CCBE1: variants seen among roughly 807,000 people sequenced by gnomAD.
CCBE1 encodes collagen and calcium binding EGF domains 1, also known as collagen and calcium-binding EGF domain-containing protein 1.
Under a neutral mutation model 50.0 loss-of-function variants are expected in CCBE1, and 37 were observed. The observed-to-expected ratio is 0.74, with a 90% CI of 0.57 to 0.97. The LOEUF is 0.97. Ranked by LOEUF, CCBE1 falls within the 50% of genes least tolerant of loss-of-function variation. The pLI is 0.00. For synonymous variants in CCBE1, 234 were observed against 203.7 expected, an observed-to-expected ratio of 1.15 and a Z score of -1.27; for missense variants, 538 against 523.8, an observed-to-expected ratio of 1.03 and a Z score of -0.26.
chr18:59,480,741 C>A (rs1912533041), intron 2 of CCBE1, among the ~76,000 whole-genome samples: 1 of 145,458 alleles, frequency 6.9e-6, no homozygotes, highest in Non-Finnish European at 1.5e-5. Context: ...CATTCTGATT[C>A]TCATTTGAGT....
Position 59,665,348 on chromosome 18 carries a change from G to A in CCBE1, c.212+31281C>T, listed in dbSNP as rs777037833. Among the ~76,000 whole-genome samples, 3 of 152,280 alleles carry A rather than the reference G, an allele frequency of 2.0e-5. No individual in the cohort carries two copies. The South Asian group carries it at 6.2e-4, about 32-fold the overall frequency. On this transcript the variant is annotated intron_variant, in intron 2 of 10. Transcript: ENST00000439986. The stretch of plus-strand genomic sequence containing the variant: ...TCAGCTCTGTTCATTCGCATTAAAG[G>A]CCTCCAGTGATTAACAGCCAGGCTA...
intron 2 of CCBE1, among the ~76,000 whole-genome samples, chr18:59,683,556 G>C (rs1261911155): frequency 6.6e-6 from 1 of 152,082 alleles, no homozygotes; most frequent in Non-Finnish European, 1.5e-5. Flanking sequence ...AAATTAGCCA[G>C]GAGTGGTGGC....
intron 2 of CCBE1, among the ~76,000 whole-genome samples, chr18:59,483,839 G>T (rs759995033): frequency 1.3e-5 from 2 of 152,122 alleles, no homozygotes; most frequent in Admixed American, 6.5e-5. Flanking sequence ...AAACAGACTT[G>T]AGTGATACAG....
Position 59,469,520 on chromosome 18 carries a change from C to G in CCBE1, c.353G>C (p.Arg118Pro), listed in dbSNP as rs115982879. Reference protein sequence around the residue: ...RVLCTCYPGYRYDRERHRKRE... With the variant: ...RVLCTCYPGYPYDRERHRKRE... ...CTTCCGGTGTCTCTCCCGGTCATAT[C>G]GGTATCCCGGATAACAAGTACACAG... Residue 118 changes from arginine (R) to proline (P), a missense_variant, in exon 4 of 11, where the codon CGA becomes CCA. By Grantham distance (103) the Arg-to-Pro change is moderately radical. Coordinates refer to ENST00000439986, the MANE Select transcript of CCBE1 (RefSeq NM_133459.4). 5.0e-6 allele frequency: 8 copies of G among 1,614,200 alleles called. No individual in the cohort carries two copies. The East Asian group carries it at 1.8e-4, about 36-fold the overall frequency.
intron 2 of CCBE1, among the ~76,000 whole-genome samples, chr18:59,642,917 C>A (rs1189644360): frequency 7.0e-6 from 1 of 142,534 alleles, no homozygotes; most frequent in Non-Finnish European, 1.5e-5. Context: ...CCACTGCACT[C>A]CAGCCCTGGC....
At chr18:59,634,222 C>CACAAA (rs1432606940) in intron 2 of CCBE1, among the ~76,000 whole-genome samples, 1 of 152,154 alleles carries the variant, frequency 6.6e-6, no homozygotes, top group Non-Finnish European at 1.5e-5. Flanking sequence ...AAACCGCAAA[C>CACAAA]ACAAAACAAA....
chr18:59,632,587 TTTGTA>T lies in CCBE1; in HGVS notation c.212+64037_212+64041del, dbSNP rs1328601771. On this transcript the variant is annotated intron_variant, in intron 2 of 10. Transcript: ENST00000439986. ...CTGTGCCCAGCCTTTAAATTTTTGT[TTTGTA>T]TTGTTTTTGTTTTTGAGATGGAGTC... Among the ~76,000 whole-genome samples, 3 of 150,382 alleles carry T rather than the reference TTTGTA, an allele frequency of 2.0e-5. No individual in the cohort carries two copies. The East Asian group carries it at 5.9e-4, about 30-fold the overall frequency.
At position 59,601,010 on chromosome 18, in the gene CCBE1, G is replaced by GTTTTTTTTTTTTTTTTTTTTTT. The variant is rs71177045; in HGVS notation, c.212+95597_212+95618dup. 1.0e-4 allele frequency among the ~76,000 whole-genome samples: 6 copies of GTTTTTTTTTTTTTTTTTTTTTT among 58,004 alleles called. 1 individual carries two copies. The highest frequency in any genetic ancestry group is 2.2e-4 in the African/African-American group (4 of 18,596). 38.1% of individuals were successfully genotyped at this position (58,004 alleles called of 152,430 possible). A position where few individuals can be genotyped will look rare whatever the true frequency, so the allele number is the denominator to read the frequency against. ...GATCTATTTTATTAGCTATGTGTCA[G>GTTTTTTTTTTTTTTTTTTTTTT]TTTTTTTTTTTTTTTTTTTTTTTTT... On this transcript the variant is annotated intron_variant, in intron 2 of 10. Transcript: ENST00000439986.
intron 6 of CCBE1, among the ~76,000 whole-genome samples, chr18:59,452,258 T>C (rs1257330722): frequency 6.6e-6 from 1 of 152,122 alleles, no homozygotes; most frequent in African/African-American, 2.4e-5. Context: ...CTATGTTCTT[T>C]TGTGAACAAA....
chr18:59,437,395 G>A (rs988037747), intron 10 of CCBE1, among the ~76,000 whole-genome samples: 3 of 152,190 alleles, frequency 2.0e-5, no homozygotes, highest in Non-Finnish European at 4.4e-5. Context: ...GGGATGGCAG[G>A]TCAGATTCCA....
chr18:59,451,798 C>A (rs1286038428), intron 6 of CCBE1, among the ~76,000 whole-genome samples: 2 of 152,000 alleles, frequency 1.3e-5, no homozygotes, highest in African/African-American at 4.8e-5. Context: ...GCATATGTAC[C>A]CCAGAAATTA....
At chr18:59,588,564 A>T (rs1428946157) in intron 2 of CCBE1, among the ~76,000 whole-genome samples, 4 of 152,052 alleles carry the variant, frequency 2.6e-5, no homozygotes, top group African/African-American at 9.7e-5. Context: ...TTTCTTTTTG[A>T]CTGGTTTAAC....
chr18:59,439,484 AAAC>A, intron 9 of CCBE1, 56 bp downstream of exon 9: 2 of 1,606,606 alleles, frequency 1.2e-6, no homozygotes, highest in Non-Finnish European at 1.7e-6. Flanking sequence ...AAACAAAACA[AAAC>A]AAAAAAATCG....
At chr18:59,588,870 A>C (rs79547348) in intron 2 of CCBE1, among the ~76,000 whole-genome samples, 1,613 of 152,286 alleles carry the variant, frequency 0.011, 30 homozygotes, top group South Asian at 0.038. Context: ...GGCTCCCCTG[A>C]TGCCCCCTCG....
chr18:59,553,263 T>C (rs1164608143), intron 2 of CCBE1, among the ~76,000 whole-genome samples: 1 of 152,230 alleles, frequency 6.6e-6, no homozygotes, highest in Non-Finnish European at 1.5e-5. Flanking sequence ...TCTTGCATTA[T>C]AGCTCAATTG....
intron 2 of CCBE1, among the ~76,000 whole-genome samples, chr18:59,679,476 T>C (rs2054556124): frequency 6.6e-6 from 1 of 152,200 alleles, no homozygotes; most frequent in South Asian, 2.1e-4. Context: ...TGGAATTTGC[T>C]TTATAATACT....
rs564797844 is a variant in CCBE1, at chr18:59,447,966, C to T, written c.775+17G>A. The T allele has an allele frequency of 5.0e-5, 80 of 1,613,950 alleles. 2 individuals are homozygous for T. In the South Asian group the frequency reaches 8.2e-4, roughly 17 times the overall value. On this transcript the variant is annotated intron_variant, in intron 7 of 10. Transcript: ENST00000439986. Reference sequence around the variant, plus strand: ...TTCTGTTGGTGATCACCCTCCTGTGCCCTCTTCCACACTCACCGGGAGGGC... The same window carrying T: ...TTCTGTTGGTGATCACCCTCCTGTGTCCTCTTCCACACTCACCGGGAGGGC...
intron 2 of CCBE1, among the ~76,000 whole-genome samples, chr18:59,626,243 C>T (rs1002613114): frequency 6.6e-6 from 1 of 152,180 alleles, no homozygotes; most frequent in Non-Finnish European, 1.5e-5. Flanking sequence ...CCTTAAAGTA[C>T]TCGTTTATTT....
intron 2 of CCBE1, among the ~76,000 whole-genome samples, chr18:59,593,073 G>T (rs1440987923): frequency 2.0e-5 from 3 of 152,138 alleles, no homozygotes. Flanking sequence ...ATATGGAAGG[G>T]TTTGTGCTTT....
Sources: gnomAD v4.1 joint callset for allele counts (sites outside exome capture counted in the v4.1 genomes callset) on GRCh38, gnomAD v4.1.1 for gene constraint, MANE v1.5 for transcripts, NCBI Gene and HGNC (gene_info 2026-07-23, HGNC 2026-07-21) for gene names.